The following CNGB1 variants were observed in gnomAD, a reference collection of about 807,000 sequenced individuals.
CNGB1 encodes cyclic nucleotide-gated channel beta-1.
Under a neutral mutation model 151.7 loss-of-function variants are expected in CNGB1, and 126 were observed. The ratio of observed to expected loss-of-function variants is 0.83; its 90% confidence interval spans 0.72 to 0.96. The LOEUF is 0.96. Ranked by LOEUF, CNGB1 falls within the 40% of genes least tolerant of loss-of-function variation. The probability of loss-of-function intolerance (pLI) is 0.00; values close to 1 mark genes in which losing one functional copy is unlikely to be tolerated. For synonymous variants in CNGB1, 623 were observed against 635.1 expected (o/e 0.98, Z 0.29); for missense variants, 1,698 against 1,627.0 (o/e 1.04, Z -0.75).
At chr16:57,897,125 C>G (rs897723397) in intron 31 of CNGB1, among the ~76,000 whole-genome samples, 1 of 151,886 alleles carries the variant, frequency 6.6e-6, no homozygotes, top group Non-Finnish European at 1.5e-5. Flanking sequence ...CATAGTGAGA[C>G]CCCAGCTCTA....
intron 18 of CNGB1, among the ~76,000 whole-genome samples, chr16:57,922,471 C>A (rs1207490711): frequency 1.0e-4 from 15 of 147,606 alleles, no homozygotes; most frequent in African/African-American, 3.4e-4. Flanking sequence ...TCTTGTCACC[C>A]AGGCTGGAGT....
rs199936918 is a variant in CNGB1, at chr16:57,917,293, T to C, written c.2141A>G (p.Gln714Arg). The change falls in exon 21 of 33, where the codon CAG becomes CGG. Residue 714 changes from glutamine to arginine, a missense_variant. Gln to Arg is a conservative substitution (Grantham distance 43). Transcript: ENST00000251102. ...AATGATGTCCCCGCCTCTGACAAAC[T>C]GCAGGCGTGTCTGGAACACGGTGAT... is the stretch of plus-strand genomic sequence containing the variant. ...LDITVFQTRLQFVRGGDIITD... is the reference protein window; with the variant it reads ...LDITVFQTRLRFVRGGDIITD... 8.7e-6 allele frequency: 14 copies of C among 1,614,012 alleles called. No individual in the cohort carries two copies.
intron 1 of CNGB1, among the ~76,000 whole-genome samples, chr16:57,969,831 G>A (rs192434420): frequency 1.3e-5 from 2 of 152,332 alleles, no homozygotes; most frequent in South Asian, 2.1e-4. Context: ...AGGTCAGTGT[G>A]TGCTAACTCC....
At chr16:57,964,398 G>A in intron 3 of CNGB1, 89 bp downstream of exon 3, 1 of 1,526,980 alleles carries the variant, frequency 6.5e-7, no homozygotes, top group Non-Finnish European at 9.0e-7. Flanking sequence ...CTGTGAAATG[G>A]GTCCGCCAGC....
intron 12 of CNGB1, among the ~76,000 whole-genome samples, chr16:57,954,510 T>G (rs1962035760): frequency 6.6e-6 from 1 of 152,170 alleles, no homozygotes. Flanking sequence ...CAAAGACACA[T>G]GTGGGCCAGC....
intron 12 of CNGB1, among the ~76,000 whole-genome samples, chr16:57,951,158 C>G (rs1961939798): frequency 6.6e-6 from 1 of 152,148 alleles, no homozygotes; most frequent in Admixed American, 6.5e-5. Context: ...TTCAAGTATC[C>G]TGGTCCTTGA....
In CNGB1 at chr16:57,883,873, G is replaced by A. The variant is rs1283531848; in HGVS notation, c.*291C>T. 1 of 545,870 alleles carries A rather than the reference G, an allele frequency of 1.8e-6. No homozygotes were observed. The highest frequency in any genetic ancestry group is 3.3e-6 in the Non-Finnish European group (1 of 305,212). The allele number at this position is 545,870 out of a possible 1,614,324, so 33.8% of individuals were successfully genotyped here. ...AACTTTAAAAGTGGAAAATCATTTTGTTCTTAAAAAGAGGAACAGTCAGGA... is the reference window on the plus strand; with the variant it reads ...AACTTTAAAAGTGGAAAATCATTTTATTCTTAAAAAGAGGAACAGTCAGGA... On this transcript the variant is annotated 3_prime_UTR_variant, in exon 33 of 33. Transcript: ENST00000251102.
chr16:57,892,122 C>T (rs1314337586), intron 31 of CNGB1, among the ~76,000 whole-genome samples: 2 of 151,150 alleles, frequency 1.3e-5, no homozygotes, highest in African/African-American at 4.9e-5. Context: ...AAAAAGACAC[C>T]TCTTCGCAGT....
rs1277296330 is a variant in CNGB1, at chr16:57,917,376, G to T, written c.2058C>A (p.Asp686Glu). Residue 686 changes from aspartate (D) to glutamate (E), a missense_variant, in exon 21 of 33, where the codon GAC becomes GAA. Transcript: ENST00000251102. The part of the protein sequence containing the change: ...VRWAFPYQTP[D>E]NIHHWLLMDY... ...CCATCAGCAGCCAGTGGTGGATGTT[G>T]TCCGGGGTCTGGTAGGGGAAGGCCC... 6 of 1,614,138 alleles carry T rather than the reference G, an allele frequency of 3.7e-6. No individual in the cohort carries two copies. In the East Asian group the frequency reaches 1.3e-4, roughly 36 times the overall value.
chr16:57,960,384 G>A, intron 9 of CNGB1, 98 bp downstream of exon 9: 1 of 1,463,462 alleles, frequency 6.8e-7, no homozygotes, highest in East Asian at 2.4e-5. Context: ...CTGGGTGGGG[G>A]CTAAGGGCCT....
At chr16:57,901,941 G>A (rs754141728) in intron 27 of CNGB1, among the ~76,000 whole-genome samples, 13 of 152,286 alleles carry the variant, frequency 8.5e-5, no homozygotes, top group Non-Finnish European at 1.9e-4. Flanking sequence ...TAGCCCCTGC[G>A]CTGTTGCAAT....
chr16:57,898,685 GGATTACAGGCATGA>G (rs1960300930), intron 29 of CNGB1, among the ~76,000 whole-genome samples: 1 of 152,210 alleles, frequency 6.6e-6, no homozygotes, highest in Admixed American at 6.5e-5. Context: ...CAAAGTGCTG[GGATTACAGGCATGA>G]GCCACTGTGC....
intron 10 of CNGB1, 32 bp downstream of exon 10, chr16:57,959,856 T>C: frequency 6.8e-7 from 1 of 1,477,656 alleles, no homozygotes; most frequent in Non-Finnish European, 9.0e-7. Flanking sequence ...TCCTGCTCCC[T>C]GGTGGGAGGC....
At chr16:57,955,007 C>T in intron 12 of CNGB1, 1 of 1,147,082 alleles carries the variant, frequency 8.7e-7, no homozygotes, top group South Asian at 2.6e-5. Context: ...CCTCAGCCTC[C>T]CAAAGTGCTG....
At chr16:57,924,333 TAGAG>T (rs1362999787) in intron 17 of CNGB1, among the ~76,000 whole-genome samples, 1 of 151,822 alleles carries the variant, frequency 6.6e-6, no homozygotes, top group African/African-American at 2.4e-5. Flanking sequence ...GCTCCAGTGT[TAGAG>T]AAAGAATCCT....
intron 25 of CNGB1, 76 bp from the exon 26 acceptor site, chr16:57,904,951 C>T (rs1201792891): frequency 1.3e-5 from 20 of 1,570,630 alleles, no homozygotes; most frequent in African/African-American, 9.5e-5. Context: ...GGCTCAGACG[C>T]CTCTGATAGA....
At chr16:57,962,706 C>G in intron 6 of CNGB1, 96 bp from the exon 7 acceptor site, 2 of 1,564,860 alleles carry the variant, frequency 1.3e-6, no homozygotes, top group Non-Finnish European at 1.8e-6. Context: ...CTCAGCTCAA[C>G]CCCAGGTTCA....
chr16:57,913,090 G>T, intron 23 of CNGB1, 96 bp from the exon 24 acceptor site: 1 of 1,131,978 alleles, frequency 8.8e-7, no homozygotes, highest in South Asian at 1.2e-5. Context: ...TCTTCCTGCA[G>T]CCCCCAGGAG....
chr16:57,906,718 C>T (rs1033972863), intron 25 of CNGB1, among the ~76,000 whole-genome samples: 2 of 152,204 alleles, frequency 1.3e-5, no homozygotes, highest in Admixed American at 6.5e-5. Flanking sequence ...GTGCTTATGC[C>T]GCTGGGCCAC....
Sources: allele counts gnomAD v4.1 joint callset (sites outside exome capture counted in the v4.1 genomes callset), GRCh38; gene constraint gnomAD v4.1.1; transcripts MANE v1.5; gene names NCBI Gene and HGNC (gene_info 2026-07-23, HGNC 2026-07-21).